The following KIF6 variants were observed in gnomAD, a reference collection of about 807,000 sequenced individuals.
KIF6 encodes kinesin family member 6.
A neutral mutation model predicts 112.7 loss-of-function variants in KIF6; 106 were observed. That is an observed-to-expected ratio of 0.94 (90% CI 0.80 to 1.11). The LOEUF is 1.11. KIF6 is among the 50% of genes least tolerant of loss of function. The pLI, the probability that KIF6 is intolerant of heterozygous loss-of-function variation, is 0.00. For missense variants in KIF6, 929 were observed against 964.0 expected (o/e 0.96, Z 0.48); for synonymous variants, 339 against 339.9 (o/e 1.00, Z 0.03).
At chr6:39,418,591 T>C (rs1189892400) in intron 15 of KIF6, among the ~76,000 whole-genome samples, 1 of 151,990 alleles carries the variant, frequency 6.6e-6, no homozygotes, top group Non-Finnish European at 1.5e-5. Context: ...ATCATTGAGG[T>C]GGTGCTAAGT....
intron 3 of KIF6, among the ~76,000 whole-genome samples, chr6:39,667,389 C>A (rs1786541788): frequency 6.6e-6 from 1 of 152,142 alleles, no homozygotes; most frequent in Non-Finnish European, 1.5e-5. Flanking sequence ...TCTCAGAGAC[C>A]AGTTTGCCTT....
At chr6:39,367,564 T>G (rs1765659316) in intron 16 of KIF6, among the ~76,000 whole-genome samples, 1 of 152,068 alleles carries the variant, frequency 6.6e-6, no homozygotes, top group African/African-American at 2.4e-5. Context: ...AGTCAAACAG[T>G]AACTGAAGCT....
Position 39,360,533 on chromosome 6 carries a change from G to A in KIF6, c.1947-3C>T. On this transcript the variant is annotated splice_region_variant and splice_polypyrimidine_tract_variant and intron_variant, in intron 17 of 22. Coordinates refer to ENST00000287152, the MANE Select transcript of KIF6 (RefSeq NM_145027.6). Reference sequence around the variant, plus strand: ...GGCGAGTGAACATTGTTTTATACCTGCGGTGGAATCGGGGAAGAGTCAGGG... The same window carrying A: ...GGCGAGTGAACATTGTTTTATACCTACGGTGGAATCGGGGAAGAGTCAGGG... 12 of 1,614,196 alleles carry A rather than the reference G, an allele frequency of 7.4e-6. No individual in the cohort carries two copies. The highest frequency in any genetic ancestry group is 1.0e-5 in the Non-Finnish European group (12 of 1,180,012).
intron 3 of KIF6, among the ~76,000 whole-genome samples, chr6:39,660,816 G>A (rs1045765468): frequency 1.3e-5 from 2 of 152,038 alleles, no homozygotes; most frequent in African/African-American, 4.8e-5. Context: ...TAAATCAAAA[G>A]TTAAAATATA....
At chr6:39,581,022 C>G (rs562078552) in intron 9 of KIF6, among the ~76,000 whole-genome samples, 2 of 152,148 alleles carry the variant, frequency 1.3e-5, no homozygotes, top group South Asian at 4.1e-4. Flanking sequence ...ATGCAAAATT[C>G]CTAAAAGAAA....
intron 3 of KIF6, among the ~76,000 whole-genome samples, chr6:39,681,229 A>G (rs892996091): frequency 6.6e-6 from 1 of 152,222 alleles, no homozygotes; most frequent in African/African-American, 2.4e-5. Context: ...TCTTCATAAT[A>G]TAACCAAGCT....
intron 6 of KIF6, among the ~76,000 whole-genome samples, chr6:39,601,272 C>T (rs1007953854): frequency 6.6e-6 from 1 of 152,086 alleles, no homozygotes; most frequent in Non-Finnish European, 1.5e-5. Context: ...GTATCTCCCC[C>T]AGTAGCCAAA....
chr6:39,545,990 C>G (rs1303922895), intron 10 of KIF6, among the ~76,000 whole-genome samples: 2 of 152,194 alleles, frequency 1.3e-5, no homozygotes, highest in Non-Finnish European at 2.9e-5. Context: ...TGCCTGGCTG[C>G]TGCATTGCTA....
At chr6:39,400,436 G>T (rs1768608231) in intron 15 of KIF6, among the ~76,000 whole-genome samples, 1 of 152,170 alleles carries the variant, frequency 6.6e-6, no homozygotes, top group South Asian at 2.1e-4. Context: ...TCAAAAGCAA[G>T]TATTTTTCAG....
At chr6:39,457,011 C>G (rs1162484690) in intron 13 of KIF6, among the ~76,000 whole-genome samples, 1 of 143,418 alleles carries the variant, frequency 7.0e-6, no homozygotes, top group Non-Finnish European at 1.5e-5. Context: ...AGCTCTGCAC[C>G]AAGCAGACCT....
intron 13 of KIF6, among the ~76,000 whole-genome samples, chr6:39,461,649 A>G (rs1773485286): frequency 6.6e-6 from 1 of 152,278 alleles, no homozygotes; most frequent in East Asian, 1.9e-4. Flanking sequence ...AAATAACTAT[A>G]CTCATTTGCA....
intron 14 of KIF6, among the ~76,000 whole-genome samples, chr6:39,429,659 C>T (rs1215405549): frequency 3.3e-5 from 5 of 152,208 alleles, no homozygotes; most frequent in Non-Finnish European, 5.9e-5. Flanking sequence ...CCTGTAATCC[C>T]AGCACTTTGG....
chr6:39,581,291 C>T (rs757088941), intron 9 of KIF6, among the ~76,000 whole-genome samples: 12 of 151,082 alleles, frequency 7.9e-5, no homozygotes, highest in Non-Finnish European at 1.6e-4. Flanking sequence ...CCTCAGCCTC[C>T]TGAGTAGCTG....
At chr6:39,482,677 T>C (rs1774870461) in intron 13 of KIF6, among the ~76,000 whole-genome samples, 1 of 152,226 alleles carries the variant, frequency 6.6e-6, no homozygotes, top group Non-Finnish European at 1.5e-5. Flanking sequence ...TAATTTGATG[T>C]TAGCAATGGC....
chr6:39,552,415 A>G (rs1476842083), intron 10 of KIF6, among the ~76,000 whole-genome samples: 2 of 152,314 alleles, frequency 1.3e-5, no homozygotes, highest in Non-Finnish European at 2.9e-5. Context: ...CCATAAGTCT[A>G]TAAATTATTA....
intron 13 of KIF6, among the ~76,000 whole-genome samples, chr6:39,522,005 G>A (rs1777426954): frequency 6.6e-6 from 1 of 152,082 alleles, no homozygotes; most frequent in Admixed American, 6.6e-5. Context: ...TGGCCTCCCT[G>A]AGAACCTGCC....
chr6:39,574,706 T>G (rs1160349589), intron 10 of KIF6, among the ~76,000 whole-genome samples: 1 of 152,194 alleles, frequency 6.6e-6, no homozygotes, highest in African/African-American at 2.4e-5. Flanking sequence ...TAGGAAATTC[T>G]GAGATATTAT....
chr6:39,702,954 G>A (rs1223724175), intron 3 of KIF6, among the ~76,000 whole-genome samples: 1 of 151,760 alleles, frequency 6.6e-6, no homozygotes, highest in Non-Finnish European at 1.5e-5. Flanking sequence ...AAGTACTTGG[G>A]CATCTGGAGC....
At chr6:39,530,958 C>T (rs778535187) in intron 13 of KIF6, among the ~76,000 whole-genome samples, 4 of 152,060 alleles carry the variant, frequency 2.6e-5, no homozygotes, top group Non-Finnish European at 4.4e-5. Context: ...TGAACTATCC[C>T]ATTACCTGTT....
Sources: allele counts gnomAD v4.1 joint callset (sites outside exome capture counted in the v4.1 genomes callset), GRCh38; gene constraint gnomAD v4.1.1; transcripts MANE v1.5; gene names NCBI Gene and HGNC (gene_info 2026-07-23, HGNC 2026-07-21).